MVB12B: variants seen among roughly 807,000 people sequenced by gnomAD.
MVB12B encodes the protein ESCRT-I complex subunit MVB12B.
Under a neutral mutation model 41.6 loss-of-function variants are expected in MVB12B, and 16 were observed. The observed-to-expected ratio is 0.38, with a 90% CI of 0.26 to 0.58. MVB12B has a LOEUF of 0.58. Ranked by LOEUF, MVB12B falls within the 20% of genes least tolerant of loss-of-function variation. The pLI is 0.62. For synonymous variants in MVB12B, 133 were observed against 139.7 expected (o/e 0.95, Z 0.34); for missense variants, 274 against 380.2 (o/e 0.72, Z 2.32).
Position 126,436,197 on chromosome 9 carries a change from G to C in MVB12B, c.757+14249G>C, listed in dbSNP as rs1037728590. Among the ~76,000 whole-genome samples, 5 of 152,212 alleles carry C rather than the reference G, an allele frequency of 3.3e-5. No individual in the cohort carries two copies. Among genetic ancestry groups the C allele is most frequent in the African/African-American group, 1.2e-4 (5 of 41,456 alleles). ...GGTTATTTTGCCAGGAGGCTCTCTC[G>C]TGTTCGGGCATTTGGGGTCCTTTCT... On this transcript the variant is annotated intron_variant, in intron 7 of 9. Coordinates refer to ENST00000361171, the MANE Select transcript of MVB12B (RefSeq NM_033446.3). This position sits in a 1 kb window ranked among gnomAD's most constrained non-coding sequence, Gnocchi z 4.1.
intron 7 of MVB12B, among the ~76,000 whole-genome samples, chr9:126,439,184 G>A (rs1279351553): frequency 6.6e-6 from 1 of 152,136 alleles, no homozygotes; most frequent in Non-Finnish European, 1.5e-5. Flanking sequence ...CCTCTGAGCA[G>A]GCTCTGGAGA....
At chr9:126,366,417 G>A (rs1267984076) in intron 2 of MVB12B, among the ~76,000 whole-genome samples, 1 of 151,790 alleles carries the variant, frequency 6.6e-6, no homozygotes, top group Non-Finnish European at 1.5e-5. Flanking sequence ...ATGTTAAAAA[G>A]CACAAGGAAG....
intron 9 of MVB12B, among the ~76,000 whole-genome samples, chr9:126,488,263 G>C (rs979910784): frequency 1.4e-5 from 2 of 146,124 alleles, no homozygotes; most frequent in African/African-American, 5.1e-5. Flanking sequence ...GCTGCCCTTA[G>C]TGAGGGGCTT....
In MVB12B at chr9:126,506,539, C is replaced by T. The variant is rs1329734907; in HGVS notation, c.*3276C>T. 6.6e-6 allele frequency: 1 copy of T among 152,298 alleles called. No individual in the cohort carries two copies. Among genetic ancestry groups the T allele is most frequent in the Admixed American group, 6.5e-5 (1 of 15,282 alleles). The allele number at this position is 152,298 out of a possible 1,614,324, so 9.4% of individuals were successfully genotyped here. A position where few individuals can be genotyped will look rare whatever the true frequency, so the allele number is the denominator to read the frequency against. The stretch of plus-strand genomic sequence containing the variant: ...TCAGGAGTGGCCTGCCCGTACTCCT[C>T]CACCCAGATGAGGGCCCTCCAGAGC... On this transcript the variant is annotated 3_prime_UTR_variant, in exon 10 of 10. Coordinates refer to ENST00000361171, the MANE Select transcript of MVB12B (RefSeq NM_033446.3).
intron 7 of MVB12B, among the ~76,000 whole-genome samples, chr9:126,434,557 C>T (rs540897382): frequency 1.3e-5 from 2 of 152,330 alleles, no homozygotes; most frequent in South Asian, 2.1e-4. Context: ...AGTCCTTAAT[C>T]GCTTGCTACC....
chr9:126,496,190 CACCCACCCACCT>C (rs1288360760), intron 9 of MVB12B, among the ~76,000 whole-genome samples: 4 of 130,266 alleles, frequency 3.1e-5, no homozygotes, highest in Middle Eastern at 3.5e-3. Flanking sequence ...CTTGTCCACC[CACCCACCCACCT>C]ACCCACCCGT....
At position 126,503,654 on chromosome 9, in the gene MVB12B, G is replaced by A. The variant is rs952092135; in HGVS notation, c.*391G>A. On this transcript the variant is annotated 3_prime_UTR_variant, in exon 10 of 10. Coordinates refer to ENST00000361171, the MANE Select transcript of MVB12B (RefSeq NM_033446.3). ...CTCCCTCCTGTCACCTACCAGGGCA[G>A]ACCCCACTAAGCCGTTGAGTCTCTT... 2 of 267,058 alleles carry A rather than the reference G, an allele frequency of 7.5e-6. No homozygotes were observed. The highest frequency in any genetic ancestry group is 4.5e-5 in the African/African-American group (2 of 44,584). The allele number at this position is 267,058 out of a possible 1,614,324, so 16.5% of individuals were successfully genotyped here.
intron 7 of MVB12B, among the ~76,000 whole-genome samples, chr9:126,456,471 T>C (rs769176112): frequency 6.6e-6 from 1 of 152,250 alleles, no homozygotes; most frequent in South Asian, 2.1e-4. Context: ...TAATAATGAT[T>C]TTAACTGTGA....
At chr9:126,330,466 C>A (rs1829099378) in intron 1 of MVB12B, among the ~76,000 whole-genome samples, 1 of 152,134 alleles carries the variant, frequency 6.6e-6, no homozygotes. Context: ...AATGCAGATT[C>A]TAGGACCTCA....
intron 4 of MVB12B, among the ~76,000 whole-genome samples, chr9:126,387,465 C>T (rs1309188424): frequency 6.6e-6 from 1 of 152,176 alleles, no homozygotes; most frequent in Non-Finnish European, 1.5e-5. Flanking sequence ...TTTATTCTTT[C>T]ATAATTAGCC....
At chr9:126,408,230 A>G (rs1280389488) in intron 6 of MVB12B, 1 of 152,222 alleles carries the variant, frequency 6.6e-6, no homozygotes, top group Non-Finnish European at 1.5e-5. Flanking sequence ...AGTGTTGTGA[A>G]TATGTCATCC....
In MVB12B at chr9:126,483,987, T is replaced by C; in HGVS notation, c.828T>C (p.Asp276=). Residue 276 remains aspartate, a synonymous_variant, in exon 9 of 10, where the codon GAT becomes GAC. Coordinates refer to ENST00000361171, the MANE Select transcript of MVB12B (RefSeq NM_033446.3). Reference sequence around the variant, plus strand: ...TGTGTTTTCAGATGCAGCCCTTTGATCTCCTGGGAATCACCATCAAATCTC... The same window carrying C: ...TGTGTTTTCAGATGCAGCCCTTTGACCTCCTGGGAATCACCATCAAATCTC... The part of the protein sequence containing the change: ...SCVPESMQPF[D]LLGITIKSLA... 2 of 1,614,092 alleles carry C rather than the reference T, an allele frequency of 1.2e-6. No individual in the cohort carries two copies. Among genetic ancestry groups the C allele is most frequent in the Non-Finnish European group, 1.7e-6 (2 of 1,180,012 alleles).
Position 126,505,740 on chromosome 9 carries a change from G to GCAC in MVB12B, c.*2477_*2478insCAC, listed in dbSNP as rs1834056255. ...AGCCCACCTGAGTGGGGCTCGTGCA[G>GCAC]GAGAACTGAGGCATGAAACTCTGGC... On this transcript the variant is annotated 3_prime_UTR_variant, in exon 10 of 10. Coordinates refer to ENST00000361171, the MANE Select transcript of MVB12B (RefSeq NM_033446.3). 1 of 152,148 alleles carries GCAC rather than the reference G, an allele frequency of 6.6e-6. No individual in the cohort carries two copies. The highest frequency in any genetic ancestry group is 2.4e-5 in the African/African-American group (1 of 41,404). The allele number at this position is 152,148 out of a possible 1,614,324, so 9.4% of individuals were successfully genotyped here.
intron 2 of MVB12B, among the ~76,000 whole-genome samples, chr9:126,346,866 G>C (rs188917861): frequency 1.3e-5 from 2 of 152,346 alleles, no homozygotes; most frequent in Non-Finnish European, 1.5e-5. Context: ...GAGCCTGAAG[G>C]GTGTCCATTG....
In MVB12B at chr9:126,468,998, A is replaced by G. The variant is rs1375167995; in HGVS notation, c.758-12371A>G. ...CTTATGCTGTGATGCTATTTTTATT[A>G]AAAACACGAATACATACAAAACAAA... is the stretch of plus-strand genomic sequence containing the variant. On this transcript the variant is annotated intron_variant, in intron 7 of 9. Coordinates refer to ENST00000361171, the MANE Select transcript of MVB12B (RefSeq NM_033446.3). The surrounding 1 kb of genome is among the most constrained non-coding windows in gnomAD (Gnocchi z 4.3). 6.6e-6 allele frequency among the ~76,000 whole-genome samples: 1 copy of G among 152,232 alleles called. No individual in the cohort carries two copies. Among genetic ancestry groups the G allele is most frequent in the Admixed American group, 6.5e-5 (1 of 15,290 alleles).
At chr9:126,400,995 GA>G (rs1392993586) in intron 6 of MVB12B, among the ~76,000 whole-genome samples, 5 of 152,140 alleles carry the variant, frequency 3.3e-5, no homozygotes, top group Non-Finnish European at 7.4e-5. Flanking sequence ...GGCTCTCCTA[GA>G]AAATCTGCAA....
intron 6 of MVB12B, chr9:126,396,877 T>C (rs890700756): frequency 2.1e-5 from 21 of 985,490 alleles, no homozygotes; most frequent in Non-Finnish European, 2.5e-5. Context: ...GTTGAGTCTC[T>C]GTTGGGTTCA....
chr9:126,401,004 C>T lies in MVB12B; in HGVS notation c.662+5307C>T, dbSNP rs72758754. On this transcript the variant is annotated intron_variant, in intron 6 of 9. Coordinates refer to ENST00000361171, the MANE Select transcript of MVB12B (RefSeq NM_033446.3). ...TGCGGGGGCTCTCCTAGAAAATCTG[C>T]AATGTGTGGTTCCAGTAGCCTCACC... 3.3e-3 allele frequency among the ~76,000 whole-genome samples: 498 copies of T among 152,316 alleles called. 3 individuals carry two copies. The highest frequency in any genetic ancestry group is 5.0e-3 in the Non-Finnish European group (337 of 68,024).
intron 7 of MVB12B, among the ~76,000 whole-genome samples, chr9:126,433,607 C>T (rs1311366177): frequency 6.6e-6 from 1 of 152,048 alleles, no homozygotes; most frequent in African/African-American, 2.4e-5. Flanking sequence ...AACTGATAGT[C>T]ACCTGTGTGC....
Sources: gnomAD v4.1 joint callset for allele counts (sites outside exome capture counted in the v4.1 genomes callset) on GRCh38, gnomAD v4.1.1 for gene constraint, Gnocchi (gnomAD v3.1) non-coding constraint, MANE v1.5 for transcripts, NCBI Gene and HGNC (gene_info 2026-07-23, HGNC 2026-07-21) for gene names.